Variants in VAV2 observed in about 807,000 individuals in gnomAD.
VAV2 encodes vav guanine nucleotide exchange factor 2, also known as guanine nucleotide exchange factor VAV2.
Under a neutral mutation model 132.5 loss-of-function variants are expected in VAV2, and 67 were observed. The observed-to-expected ratio is 0.51, with a 90% CI of 0.42 to 0.62. VAV2 has a LOEUF of 0.62. Among genes scored for constraint, VAV2 ranks in the 20% least tolerant of loss-of-function variants. The probability of loss-of-function intolerance (pLI) is 0.00; values close to 1 mark genes in which losing one functional copy is unlikely to be tolerated. For missense variants in VAV2, 938 were observed against 1,153.6 expected (o/e 0.81, Z 2.71); for synonymous variants, 492 against 443.5 (o/e 1.11, Z -1.37).
intron 1 of VAV2, among the ~76,000 whole-genome samples, chr9:133,948,253 C>A (rs1217853835): frequency 6.6e-6 from 1 of 152,218 alleles, no homozygotes; most frequent in African/African-American, 2.4e-5. Context: ...GAACTTCCTT[C>A]GCTCGGGCCC....
At chr9:133,968,982 C>T (rs983431817) in intron 1 of VAV2, among the ~76,000 whole-genome samples, 4 of 151,884 alleles carry the variant, frequency 2.6e-5, no homozygotes, top group Admixed American at 2.0e-4. Context: ...AAGGCAGTGC[C>T]CTTTTCTAAG....
chr9:133,800,050 G>A (rs556149273), intron 9 of VAV2, among the ~76,000 whole-genome samples: 7 of 152,238 alleles, frequency 4.6e-5, no homozygotes, highest in African/African-American at 9.6e-5. Flanking sequence ...GACTGTCGCC[G>A]TTCTACCCAT....
intron 3 of VAV2, among the ~76,000 whole-genome samples, chr9:133,845,881 T>C (rs764823311): frequency 2.0e-5 from 3 of 152,154 alleles, no homozygotes; most frequent in Non-Finnish European, 2.9e-5. Flanking sequence ...GTGGCATCAA[T>C]TGACCGAGGT....
chr9:133,847,693 C>T (rs35776936), intron 3 of VAV2, among the ~76,000 whole-genome samples: 1 of 152,148 alleles, frequency 6.6e-6, no homozygotes, highest in Non-Finnish European at 1.5e-5. Flanking sequence ...CCCTGGGCTA[C>T]AGGTGACCTC....
intron 2 of VAV2, among the ~76,000 whole-genome samples, chr9:133,914,258 G>A (rs1007477875): frequency 1.1e-4 from 16 of 152,100 alleles, no homozygotes; most frequent in African/African-American, 3.4e-4. Flanking sequence ...CAGCAATCCC[G>A]CTCCTGGGTA....
chr9:133,836,361 C>T (rs1049812172), intron 3 of VAV2, among the ~76,000 whole-genome samples: 1 of 152,230 alleles, frequency 6.6e-6, no homozygotes. Flanking sequence ...TCCCCGCTCC[C>T]GCACCAGCCC....
chr9:133,899,931 G>A (rs1442890911), intron 2 of VAV2, among the ~76,000 whole-genome samples: 1 of 151,270 alleles, frequency 6.6e-6, no homozygotes, highest in East Asian at 2.0e-4. Flanking sequence ...TGAGGCAGGA[G>A]AATGGCGTGA....
In VAV2 at chr9:133,861,416, G is replaced by A. The variant is rs756519675; in HGVS notation, c.338C>T (p.Ser113Leu). ...CGCGATGCTGTGCAGGGAGAGCCTC[G>A]ACACCGCGGAGATGACCTGGGGGAG... ...RDFGKVISAV[S>L]RLSLHSIAQN... Residue 113 changes from serine (S) to leucine (L), a missense_variant, in exon 3 of 30, where the codon TCG (serine) becomes TTG (leucine). Physicochemically the swap from Ser to Leu is moderately radical, Grantham distance 145. Coordinates refer to ENST00000371850, the MANE Select transcript of VAV2 (RefSeq NM_001134398.2). 1.2e-6 allele frequency: 2 copies of A among 1,613,316 alleles called. No homozygotes were observed. Among genetic ancestry groups the A allele is most frequent in the Non-Finnish European group, 1.7e-6 (2 of 1,179,760 alleles).
rs139327731 is a variant in VAV2, at chr9:133,814,930, C to T, written c.450-2714G>A. Among the ~76,000 whole-genome samples the T allele has an allele frequency of 3.6e-3, 550 of 152,312 alleles. 5 individuals are homozygous for T. Among genetic ancestry groups the T allele is most frequent in the African/African-American group, 0.013 (533 of 41,562 alleles). ...TCACTCGTGCCTCCCACCGCAGTGGCCTTGCACTGCCATTTACTGAGGACT... is the reference window on the plus strand; with the variant it reads ...TCACTCGTGCCTCCCACCGCAGTGGTCTTGCACTGCCATTTACTGAGGACT... On this transcript the variant is annotated intron_variant, in intron 4 of 29. Coordinates refer to ENST00000371850, the MANE Select transcript of VAV2 (RefSeq NM_001134398.2).
intron 10 of VAV2, 91 bp downstream of exon 10, chr9:133,797,619 T>C (rs1398272479): frequency 6.1e-6 from 7 of 1,146,012 alleles, no homozygotes; most frequent in Non-Finnish European, 8.6e-6. Flanking sequence ...TCCCAACAAA[T>C]GGGCAAGAGA....
At chr9:133,908,000 C>G (rs1839733787) in intron 2 of VAV2, among the ~76,000 whole-genome samples, 1 of 115,682 alleles carries the variant, frequency 8.6e-6, no homozygotes, top group African/African-American at 3.3e-5. Context: ...CCCCTTCCTT[C>G]TCTGCCTTCC....
intron 2 of VAV2, among the ~76,000 whole-genome samples, chr9:133,870,364 A>C (rs763509526): frequency 8.5e-5 from 13 of 152,216 alleles, no homozygotes; most frequent in Admixed American, 2.6e-4. Context: ...GCGACTCTGA[A>C]GGGGAATGCA....
Position 133,863,242 on chromosome 9 carries a change from A to T in VAV2, c.322-1810T>A, listed in dbSNP as rs553246465. ...GGGTTTGGCAACTACAGGGCACCCA[A>T]GCCCCCTCTCACACACCTCCTGCGG... On this transcript the variant is annotated intron_variant, in intron 2 of 29. Transcript: ENST00000371850. The surrounding 1 kb of genome is among the most constrained non-coding windows in gnomAD (Gnocchi z 5.0). Among the ~76,000 whole-genome samples, 1 of 152,350 alleles carries T rather than the reference A, an allele frequency of 6.6e-6. No homozygotes were observed. The highest frequency in any genetic ancestry group is 2.1e-4 in the South Asian group (1 of 4,830).
chr9:133,856,703 G>T (rs1457276665), intron 3 of VAV2, among the ~76,000 whole-genome samples: 1 of 152,158 alleles, frequency 6.6e-6, no homozygotes, highest in Non-Finnish European at 1.5e-5. Context: ...TCGAGGGGCT[G>T]GTCCCTTTCA....
chr9:133,955,301 G>A (rs1038796936), intron 1 of VAV2, among the ~76,000 whole-genome samples: 3 of 151,902 alleles, frequency 2.0e-5, no homozygotes, highest in Non-Finnish European at 4.4e-5. Flanking sequence ...AGGGAGTGTG[G>A]CCCCATACCC....
In VAV2 at chr9:133,833,864, A is replaced by G. The variant is rs914753632; in HGVS notation, c.449+408T>C. On this transcript the variant is annotated intron_variant, in intron 4 of 29. Transcript: ENST00000371850. The surrounding 1 kb of genome is among the most constrained non-coding windows in gnomAD (Gnocchi z 5.6). ...CTCCTGTGCCCTGAACCTGCGCTCC[A>G]GGCAGCACCGCTCCCTCCTCACAAC... Among the ~76,000 whole-genome samples, 2 of 152,034 alleles carry G rather than the reference A, an allele frequency of 1.3e-5. No individual in the cohort carries two copies. Among genetic ancestry groups the G allele is most frequent in the African/African-American group, 4.8e-5 (2 of 41,402 alleles).
intron 1 of VAV2, among the ~76,000 whole-genome samples, chr9:133,947,602 G>A (rs900770974): frequency 6.6e-5 from 10 of 151,768 alleles, no homozygotes; most frequent in Non-Finnish European, 1.5e-4. Flanking sequence ...AGGAGGCTGA[G>A]GCAGAAGAAT....
At chr9:133,939,389 C>T (rs141507812) in intron 1 of VAV2, 170 bp from the exon 2 acceptor site, 20 of 666,404 alleles carry the variant, frequency 3.0e-5, no homozygotes, top group East Asian at 2.9e-4. Flanking sequence ...CGAAACCCCC[C>T]GTCCCAAGGC....
chr9:133,774,229 C>T (rs1833730932), intron 25 of VAV2, among the ~76,000 whole-genome samples: 1 of 152,174 alleles, frequency 6.6e-6, no homozygotes, highest in Non-Finnish European at 1.5e-5. Context: ...ATACAGCACC[C>T]ATCTTGTTTC....
Sources: gnomAD v4.1 joint callset for allele counts (sites outside exome capture counted in the v4.1 genomes callset) on GRCh38, gnomAD v4.1.1 for gene constraint, Gnocchi (gnomAD v3.1) non-coding constraint, MANE v1.5 for transcripts, NCBI Gene and HGNC (gene_info 2026-07-23, HGNC 2026-07-21) for gene names.